MAGI3: variants seen among roughly 807,000 people sequenced by gnomAD.
The protein encoded by MAGI3 is membrane-associated guanylate kinase, WW and PDZ domain-containing protein 3.
Under a neutral mutation model 121.8 loss-of-function variants are expected in MAGI3, and 43 were observed. The observed-to-expected ratio is 0.35, with a 90% CI of 0.28 to 0.46. The LOEUF is 0.46. Among genes scored for constraint, MAGI3 ranks in the 20% least tolerant of loss-of-function variants. The pLI, the probability that MAGI3 is intolerant of heterozygous loss-of-function variation, is 1.00. For missense variants in MAGI3, 1,547 were observed against 1,797.3 expected, an observed-to-expected ratio of 0.86 and a Z score of 2.52; for synonymous variants, 553 against 639.3, an observed-to-expected ratio of 0.86 and a Z score of 2.04.
intron 1 of MAGI3, among the ~76,000 whole-genome samples, chr1:113,437,607 A>G (rs1653634003): frequency 1.3e-5 from 2 of 152,196 alleles, no homozygotes; most frequent in South Asian, 4.1e-4. Flanking sequence ...TATATATTGA[A>G]TAATACATTA....
intron 2 of MAGI3, among the ~76,000 whole-genome samples, chr1:113,564,114 CTT>C (rs1660342649): frequency 6.6e-6 from 1 of 152,182 alleles, no homozygotes; most frequent in Admixed American, 6.5e-5. Flanking sequence ...GTTTCTCTCT[CTT>C]CTCTGGATCT....
intron 1 of MAGI3, among the ~76,000 whole-genome samples, chr1:113,416,034 TATTA>T (rs1412114888): frequency 2.7e-5 from 4 of 148,982 alleles, no homozygotes; most frequent in Non-Finnish European, 3.0e-5. Context: ...TAATGACACA[TATTA>T]ATTATGTAAT....
intron 6 of MAGI3, among the ~76,000 whole-genome samples, chr1:113,613,529 A>C (rs1468961219): frequency 6.6e-6 from 1 of 152,188 alleles, no homozygotes; most frequent in Non-Finnish European, 1.5e-5. Flanking sequence ...GTATGTCATA[A>C]CTGAGGCTAA....
chr1:113,488,235 A>G (rs1464245640), intron 1 of MAGI3, among the ~76,000 whole-genome samples: 1 of 152,228 alleles, frequency 6.6e-6, no homozygotes, highest in African/African-American at 2.4e-5. Flanking sequence ...GCATCAAGCC[A>G]GCTGATGTGG....
chr1:113,583,289 T>TC (rs1364172476), intron 3 of MAGI3, among the ~76,000 whole-genome samples: 1 of 151,272 alleles, frequency 6.6e-6, no homozygotes, highest in Non-Finnish European at 1.5e-5. Flanking sequence ...ATGCTATCCC[T>TC]CCCCCCAGAT....
chr1:113,675,901 C>T (rs1647838461), intron 19 of MAGI3, among the ~76,000 whole-genome samples: 1 of 152,158 alleles, frequency 6.6e-6, no homozygotes, highest in African/African-American at 2.4e-5. Context: ...AATGCAGAAC[C>T]ATATGTAATA....
At chr1:113,614,522 A>G in intron 6 of MAGI3, 79 bp from the exon 7 acceptor site, 1 of 1,064,028 alleles carries the variant, frequency 9.4e-7, no homozygotes, top group Non-Finnish European at 1.4e-6. Flanking sequence ...AGTATAATGA[A>G]ATAATAAATT....
intron 1 of MAGI3, among the ~76,000 whole-genome samples, chr1:113,393,830 GATT>G (rs2101262412): frequency 6.6e-6 from 1 of 152,290 alleles, no homozygotes; most frequent in South Asian, 2.1e-4. Context: ...GACAGAAATT[GATT>G]TTTCAATTTA....
intron 1 of MAGI3, among the ~76,000 whole-genome samples, chr1:113,494,421 G>T (rs1570757251): frequency 6.6e-6 from 1 of 152,218 alleles, no homozygotes; most frequent in East Asian, 1.9e-4. Context: ...TAATACTTGG[G>T]TTACTAAATA....
At chr1:113,476,937 T>C (rs1359956197) in intron 1 of MAGI3, among the ~76,000 whole-genome samples, 2 of 152,270 alleles carry the variant, frequency 1.3e-5, no homozygotes, top group Non-Finnish European at 2.9e-5. Context: ...TTTAGGATAG[T>C]TTGCTCTTCT....
At chr1:113,547,129 C>G (rs1308110431) in intron 1 of MAGI3, among the ~76,000 whole-genome samples, 1 of 149,308 alleles carries the variant, frequency 6.7e-6, no homozygotes, top group African/African-American at 2.5e-5. Flanking sequence ...ATTATTTTGC[C>G]TTAAGAGACC....
At chr1:113,495,418 A>G (rs1467691568) in intron 1 of MAGI3, among the ~76,000 whole-genome samples, 1 of 150,846 alleles carries the variant, frequency 6.6e-6, no homozygotes, top group Non-Finnish European at 1.5e-5. Flanking sequence ...GGTTACATGA[A>G]TAACTTTAGT....
chr1:113,415,182 C>G (rs1652234181), intron 1 of MAGI3, among the ~76,000 whole-genome samples: 1 of 152,162 alleles, frequency 6.6e-6, no homozygotes, highest in Admixed American at 6.6e-5. Context: ...CCTTTAGTAG[C>G]AGAAGTAATA....
At chr1:113,430,265 T>C (rs1653235912) in intron 1 of MAGI3, among the ~76,000 whole-genome samples, 1 of 152,224 alleles carries the variant, frequency 6.6e-6, no homozygotes, top group African/African-American at 2.4e-5. Flanking sequence ...CTCTATCATT[T>C]CTAGTACTTA....
At chr1:113,594,345 T>C (rs1272196874) in intron 5 of MAGI3, 136 bp from the exon 6 acceptor site, 25 of 658,884 alleles carry the variant, frequency 3.8e-5, no homozygotes, top group Non-Finnish European at 5.7e-5. Flanking sequence ...AATGAATGAA[T>C]CTGAGGAATA....
rs186120904 is a variant in MAGI3, at chr1:113,598,335, A to G, written c.1018+3775A>G. Among the ~76,000 whole-genome samples, 98 of 152,206 alleles carry G rather than the reference A, an allele frequency of 6.4e-4. 1 individual carries two copies. The highest frequency in any genetic ancestry group is 2.2e-3 in the African/African-American group (91 of 41,562). On this transcript the variant is annotated intron_variant, in intron 6 of 20. Transcript: ENST00000307546. Reference sequence around the variant, plus strand: ...CTGGAATAGTACCTTATATCTCAATATTAATGTTGAATGTAAATGGTCTAA... The same window carrying G: ...CTGGAATAGTACCTTATATCTCAATGTTAATGTTGAATGTAAATGGTCTAA...
At chr1:113,570,834 C>T (rs923593040) in intron 2 of MAGI3, among the ~76,000 whole-genome samples, 9 of 152,044 alleles carry the variant, frequency 5.9e-5, no homozygotes, top group Non-Finnish European at 1.0e-4. Flanking sequence ...TTCTCCCATT[C>T]TATAGGTTGC....
intron 2 of MAGI3, 105 bp downstream of exon 2, chr1:113,549,736 A>T: frequency 3.4e-6 from 2 of 588,130 alleles, no homozygotes; most frequent in Non-Finnish European, 5.8e-6. Flanking sequence ...AATTGTGAAG[A>T]CTAAGTTGGG....
At chr1:113,513,288 T>C (rs930390889) in intron 1 of MAGI3, among the ~76,000 whole-genome samples, 34 of 152,098 alleles carry the variant, frequency 2.2e-4, no homozygotes, top group Non-Finnish European at 4.1e-4. Context: ...TTAAAGTTCA[T>C]ATGGAATCAA....
Sources: allele counts gnomAD v4.1 joint callset (sites outside exome capture counted in the v4.1 genomes callset), GRCh38; gene constraint gnomAD v4.1.1; transcripts MANE v1.5; gene names NCBI Gene and HGNC (gene_info 2026-07-23, HGNC 2026-07-21).